Variants in GLI3 observed in about 807,000 individuals in gnomAD.
The protein encoded by GLI3 is transcription activator GLI3.
Under a neutral mutation model 100.8 loss-of-function variants are expected in GLI3, and 20 were observed. That is an observed-to-expected ratio of 0.20 (90% CI 0.14 to 0.29). GLI3 has a LOEUF of 0.29. GLI3 is among the 10% of genes least tolerant of loss of function. The pLI is 1.00. For synonymous variants in GLI3, 938 were observed against 860.5 expected, an observed-to-expected ratio of 1.09 and a Z score of -1.58; for missense variants, 2,040 against 2,128.5, an observed-to-expected ratio of 0.96 and a Z score of 0.82.
intron 1 of GLI3, among the ~76,000 whole-genome samples, chr7:42,263,728 G>A (rs961101519): frequency 6.6e-6 from 1 of 152,150 alleles, no homozygotes; most frequent in Non-Finnish European, 1.5e-5. Context: ...GATTACAGGC[G>A]TGAGCCACCG....
At chr7:42,026,118 G>A in intron 8 of GLI3, 81 bp downstream of exon 8, 2 of 876,004 alleles carry the variant, frequency 2.3e-6, no homozygotes, top group Non-Finnish European at 3.8e-6. Context: ...GAGGTGCCGT[G>A]TTGATTAACA....
chr7:42,257,814 G>T (rs531655251), intron 1 of GLI3, among the ~76,000 whole-genome samples: 2 of 151,676 alleles, frequency 1.3e-5, no homozygotes, highest in East Asian at 3.9e-4. Context: ...GATAATTATT[G>T]TTTTTATCAT....
intron 4 of GLI3, among the ~76,000 whole-genome samples, chr7:42,050,956 C>T (rs2128743411): frequency 6.6e-6 from 1 of 152,202 alleles, no homozygotes; most frequent in South Asian, 2.1e-4. Context: ...TCATCAATCC[C>T]AAAGAAAGCC....
At chr7:42,208,296 T>G (rs1788195825) in intron 2 of GLI3, among the ~76,000 whole-genome samples, 1 of 152,234 alleles carries the variant, frequency 6.6e-6, no homozygotes, top group Non-Finnish European at 1.5e-5. Flanking sequence ...AGAGGCGTCC[T>G]GCATTCCTGG....
chr7:42,098,508 T>C (rs138773684), intron 3 of GLI3, among the ~76,000 whole-genome samples: 75 of 152,280 alleles, frequency 4.9e-4, no homozygotes, highest in African/African-American at 1.7e-3. Context: ...TTCCCCAGAA[T>C]AACCTTGTAC....
intron 1 of GLI3, among the ~76,000 whole-genome samples, chr7:42,262,775 G>A (rs1271593033): frequency 6.6e-6 from 1 of 152,070 alleles, no homozygotes; most frequent in African/African-American, 2.4e-5. Context: ...TAAGAATTTT[G>A]AAGATACTTT....
intron 1 of GLI3, among the ~76,000 whole-genome samples, chr7:42,232,617 A>T (rs1197667194): frequency 6.6e-6 from 1 of 152,242 alleles, no homozygotes; most frequent in Non-Finnish European, 1.5e-5. Flanking sequence ...TCTCTTGGGA[A>T]TTATATGACA....
chr7:42,262,156 C>T (rs1317589251), intron 1 of GLI3, among the ~76,000 whole-genome samples: 1 of 148,466 alleles, frequency 6.7e-6, no homozygotes, highest in Non-Finnish European at 1.5e-5. Context: ...CTCCTAGGCT[C>T]TTTTTTTTCA....
intron 2 of GLI3, among the ~76,000 whole-genome samples, chr7:42,205,301 T>A (rs1788127239): frequency 6.6e-6 from 1 of 152,162 alleles, no homozygotes. Context: ...CTGTAAGTCA[T>A]TAGTTGACTA....
intron 3 of GLI3, among the ~76,000 whole-genome samples, chr7:42,108,492 C>T (rs1026502164): frequency 1.3e-5 from 2 of 152,270 alleles, no homozygotes; most frequent in Admixed American, 1.3e-4. Flanking sequence ...TAGACTCTTC[C>T]TCTGGGTAGC....
chr7:42,084,902 T>TTTTTTTC (rs1785070837), intron 3 of GLI3, among the ~76,000 whole-genome samples: 2 of 23,138 alleles, frequency 8.6e-5, no homozygotes, highest in African/African-American at 1.1e-3. Flanking sequence ...ATTTGGATTC[T>TTTTTTTC]TTTTTTTTTT....
At chr7:42,248,799 T>C (rs1789001173) in intron 1 of GLI3, among the ~76,000 whole-genome samples, 1 of 142,934 alleles carries the variant, frequency 7.0e-6, no homozygotes, top group African/African-American at 2.5e-5. Context: ...TATTCATTTA[T>C]TTTTTTTGAG....
chr7:42,069,588 G>A (rs1210215259), intron 4 of GLI3, among the ~76,000 whole-genome samples: 1 of 152,150 alleles, frequency 6.6e-6, no homozygotes, highest in Non-Finnish European at 1.5e-5. Flanking sequence ...AATAGCAGTA[G>A]AAAAGCATAA....
chr7:42,088,322 C>T (rs1162462013), intron 3 of GLI3, among the ~76,000 whole-genome samples: 1 of 152,234 alleles, frequency 6.6e-6, no homozygotes, highest in African/African-American at 2.4e-5. Context: ...AAAAGCCCCA[C>T]AGCTGCCTGC....
chr7:42,030,358 C>T (rs1008019957), intron 7 of GLI3, among the ~76,000 whole-genome samples: 18 of 152,332 alleles, frequency 1.2e-4, no homozygotes, highest in African/African-American at 4.3e-4. Context: ...GTAACCTATT[C>T]ACAGGTCCTG....
upstream of GLI3, among the ~76,000 whole-genome samples, chr7:42,238,187 C>G (rs967680353): frequency 6.6e-6 from 1 of 151,918 alleles, no homozygotes; most frequent in African/African-American, 2.4e-5. Context: ...CACCCGCGCC[C>G]TCTCTCTTCT....
rs750890677 is a variant in GLI3, at chr7:42,148,279, C to T, written c.314G>A (p.Arg105His). The T allele has an allele frequency of 1.8e-5, 29 of 1,613,026 alleles. No homozygotes were observed. Among genetic ancestry groups the T allele is most frequent in the South Asian group, 1.5e-4 (14 of 90,826 alleles). ...PHVAEPSVPY[R>H]GTVFAMDPRN... ...GGGGTCCATGGCAAACACCGTCCCG[C>T]GGTACGGCACAGAGGGCTCCGCCAC... is the stretch of plus-strand genomic sequence containing the variant. The change falls in exon 3 of 15, where the codon CGC becomes CAC. Residue 105 changes from arginine to histidine, a missense_variant. Arg to His is a conservative substitution (Grantham distance 29). This residue lies in a region of GLI3 where 603 missense variants were observed against 690.9 expected (regional missense o/e 0.87). Coordinates refer to ENST00000395925, the MANE Select transcript of GLI3 (RefSeq NM_000168.6).
At chr7:42,081,405 G>C (rs1784994416) in intron 3 of GLI3, among the ~76,000 whole-genome samples, 1 of 152,146 alleles carries the variant, frequency 6.6e-6, no homozygotes, top group Non-Finnish European at 1.5e-5. Context: ...TCCCAGGCTT[G>C]AGTGGAATGG....
At chr7:42,247,903 C>T (rs1017339251) in intron 1 of GLI3, among the ~76,000 whole-genome samples, 2 of 152,196 alleles carry the variant, frequency 1.3e-5, no homozygotes, top group African/African-American at 2.4e-5. Context: ...AAAATGAGCT[C>T]GTCCTAGGTA....
Sources: allele counts gnomAD v4.1 joint callset (sites outside exome capture counted in the v4.1 genomes callset), GRCh38; gene constraint gnomAD v4.1.1; regional missense constraint gnomAD v4.1.1; transcripts MANE v1.5; gene names NCBI Gene and HGNC (gene_info 2026-07-23, HGNC 2026-07-21).